The following GSE1 variants were observed in gnomAD, a reference collection of about 807,000 sequenced individuals.
The protein encoded by GSE1 is genetic suppressor element 1.
A neutral mutation model predicts 112.6 loss-of-function variants in GSE1; 32 were observed. The ratio of observed to expected loss-of-function variants is 0.28; its 90% CI spans 0.21 to 0.38. GSE1 has a LOEUF of 0.38. Among genes scored for constraint, GSE1 ranks in the 10% least tolerant of loss-of-function variants. GSE1 has a pLI of 1.00. For missense variants in GSE1, 2,348 were observed against 1,699.2 expected (o/e 1.38, Z -6.71); for synonymous variants, 1,115 against 735.6 (o/e 1.52, Z -8.35).
intron 1 of GSE1, chr16:85,594,915 T>A (rs557980943): frequency 6.6e-6 from 1 of 152,366 alleles, no homozygotes; most frequent in African/African-American, 2.4e-5. Context: ...AAGGAAGAGG[T>A]ACCAGTGCCA....
At chr16:85,426,199 CTGGATGGATGGA>C (rs146456524) in intron 2 of GSE1, among the ~76,000 whole-genome samples, 1 of 138,104 alleles carries the variant, frequency 7.2e-6, no homozygotes, top group Non-Finnish European at 1.5e-5. Flanking sequence ...AGATGGATGG[CTGGATGGATGGA>C]TGGATGGATG....
chr16:85,646,027 T>C (rs1279440388), intron 2 of GSE1, among the ~76,000 whole-genome samples: 2 of 148,544 alleles, frequency 1.3e-5, no homozygotes, highest in Non-Finnish European at 3.0e-5. Flanking sequence ...CCACGCTTTC[T>C]ATGCATGCAT....
intron 1 of GSE1, among the ~76,000 whole-genome samples, chr16:85,247,102 G>T (rs1224811760): frequency 1.3e-5 from 2 of 152,056 alleles, no homozygotes; most frequent in African/African-American, 4.8e-5. Flanking sequence ...AGCTTTCCTT[G>T]ACCGCCTCTG....
chr16:85,482,093 C>G (rs1474700885), intron 2 of GSE1, among the ~76,000 whole-genome samples: 1 of 152,250 alleles, frequency 6.6e-6, no homozygotes, highest in South Asian at 2.1e-4. Context: ...GACGACCCAA[C>G]TTGTCATGTT....
intron 8 of GSE1, among the ~76,000 whole-genome samples, chr16:85,660,723 T>G (rs1441013117): frequency 6.6e-6 from 1 of 151,660 alleles, no homozygotes; most frequent in East Asian, 2.0e-4. Context: ...GTCTGCCTCC[T>G]GGGTTCAAGC....
intron 1 of GSE1, among the ~76,000 whole-genome samples, chr16:85,615,920 C>T (rs549494043): frequency 6.6e-6 from 1 of 152,294 alleles, no homozygotes; most frequent in African/African-American, 2.4e-5. Flanking sequence ...AGGCTTGGGG[C>T]CAGGCGTGGG....
upstream of GSE1, among the ~76,000 whole-genome samples, chr16:85,550,973 C>T (rs1389260479): frequency 7.9e-5 from 12 of 152,318 alleles, no homozygotes; most frequent in African/African-American, 2.2e-4. Context: ...CATGGCCCTG[C>T]GCTGTTGGGG....
At position 85,665,100 on chromosome 16, in the gene GSE1, G is replaced by A. The variant is rs768882973; in HGVS notation, c.2730G>A (p.Pro910=). The change falls in exon 12 of 16, where the codon CCG becomes CCA. Residue 910 remains proline (P), a synonymous_variant. Coordinates refer to ENST00000253458, the MANE Select transcript of GSE1 (RefSeq NM_014615.5). ...AAVADSLTNS[P]RDSPAVSLSE... ...TGGCCGACTCCTTGACAAACTCTCC[G>A]AGGGACAGTCCTGCCGTCTCCCTGA... 16 of 1,609,462 alleles carry A rather than the reference G, an allele frequency of 9.9e-6. No individual in the cohort carries two copies. Among genetic ancestry groups the A allele is most frequent in the African/African-American group, 4.0e-5 (3 of 74,832 alleles).
At chr16:85,400,839 G>A (rs2048095108) in intron 2 of GSE1, among the ~76,000 whole-genome samples, 1 of 151,194 alleles carries the variant, frequency 6.6e-6, no homozygotes, top group Non-Finnish European at 1.5e-5. Flanking sequence ...GTTTGCGTGT[G>A]GTGTGTGTGT....
chr16:85,422,139 C>T (rs553599879), intron 2 of GSE1, among the ~76,000 whole-genome samples: 1 of 152,126 alleles, frequency 6.6e-6, no homozygotes, highest in Non-Finnish European at 1.5e-5. Context: ...GTGCCCGGGT[C>T]ATCCTCGCAC....
At chr16:85,655,057 C>A in intron 5 of GSE1, 66 bp downstream of exon 5, 1 of 1,046,516 alleles carries the variant, frequency 9.6e-7, no homozygotes, top group Admixed American at 2.0e-5. Flanking sequence ...TGGAACCTGG[C>A]GGGGAAGGTG....
At chr16:85,498,044 T>C (rs1392638118) in intron 2 of GSE1, among the ~76,000 whole-genome samples, 1 of 140,502 alleles carries the variant, frequency 7.1e-6, no homozygotes, top group African/African-American at 2.6e-5. Flanking sequence ...CACACCTCAG[T>C]GGGGTGGGGG....
chr16:85,227,297 T>C (rs1376802542), intron 1 of GSE1, among the ~76,000 whole-genome samples: 1 of 152,156 alleles, frequency 6.6e-6, no homozygotes, highest in Non-Finnish European at 1.5e-5. Context: ...CATCCTGCAG[T>C]GGTTTAGTGA....
chr16:85,668,522 G>A, intron 14 of GSE1, 98 bp downstream of exon 14: 1 of 819,264 alleles, frequency 1.2e-6, no homozygotes, highest in South Asian at 1.7e-5. Context: ...CCAGCCTGGG[G>A]ACTGTTTCTC....
chr16:85,223,320 C>A lies in GSE1; in HGVS notation c.2283+51513C>A, dbSNP rs373268940. Among the ~76,000 whole-genome samples the A allele has an allele frequency of 1.2e-4, 19 of 152,224 alleles. No individual in the cohort carries two copies. The South Asian group carries it at 3.9e-3, about 32-fold the overall frequency. On this transcript the variant is annotated intron_variant, in intron 1 of 2. Coordinates refer to the GSE1 transcript ENST00000637419. ...CGTGGATCATTTGAGGTCAGGAGTT[C>A]GAGACCAGCCTGGCCAACATGGTGA...
At chr16:85,643,001 G>T (rs933067078) in intron 2 of GSE1, among the ~76,000 whole-genome samples, 4 of 152,188 alleles carry the variant, frequency 2.6e-5, no homozygotes, top group African/African-American at 9.7e-5. Flanking sequence ...CTCTTCAGGG[G>T]GTGCCGGTGG....
intron 1 of GSE1, among the ~76,000 whole-genome samples, chr16:85,316,391 C>T (rs892486373): frequency 6.6e-6 from 1 of 152,216 alleles, no homozygotes; most frequent in Non-Finnish European, 1.5e-5. Context: ...GCACAGGGCA[C>T]GTTTCGAGGG....
intron 2 of GSE1, among the ~76,000 whole-genome samples, chr16:85,369,566 C>T (rs1401371797): frequency 6.6e-6 from 1 of 152,132 alleles, no homozygotes; most frequent in Non-Finnish European, 1.5e-5. Flanking sequence ...GCCTCCCTTG[C>T]AAGGACCCTG....
intron 1 of GSE1, chr16:85,207,785 C>G (rs994993447): frequency 2.6e-5 from 4 of 152,314 alleles, no homozygotes; most frequent in Admixed American, 6.5e-5. Context: ...GCCACTGATT[C>G]ACTCACACAC....
Sources: allele counts gnomAD v4.1 joint callset (sites outside exome capture counted in the v4.1 genomes callset), GRCh38; gene constraint gnomAD v4.1.1; transcripts MANE v1.5; gene names NCBI Gene and HGNC (gene_info 2026-07-23, HGNC 2026-07-21).